The following CDH13 variants were observed in gnomAD, a reference collection of about 807,000 sequenced individuals.
The protein encoded by CDH13 is cadherin-13.
CDH13 carries 24 observed loss-of-function variants against 63.8 expected under a neutral mutation model. The observed-to-expected ratio is 0.38, with a 90% CI of 0.27 to 0.53. The LOEUF (loss-of-function observed/expected upper bound fraction) is 0.53, where lower values mean the gene tolerates loss of function less well. CDH13 is among the 20% of genes least tolerant of loss of function. The pLI, the probability that CDH13 is intolerant of heterozygous loss-of-function variation, is 0.85. For synonymous variants in CDH13, 503 were observed against 355.3 expected, an observed-to-expected ratio of 1.42 and a Z score of -4.67; for missense variants, 1,049 against 903.1, an observed-to-expected ratio of 1.16 and a Z score of -2.07.
chr16:83,014,870 ATATATATATGTTTGTG>A (rs1914602024), intron 2 of CDH13, among the ~76,000 whole-genome samples: 1 of 113,114 alleles, frequency 8.8e-6, no homozygotes, highest in Non-Finnish European at 1.8e-5. Context: ...ATATATATGT[ATATATATATGTTTGTG>A]TATATATATA....
chr16:83,325,672 C>T (rs749698698), intron 5 of CDH13, among the ~76,000 whole-genome samples: 1 of 152,162 alleles, frequency 6.6e-6, no homozygotes, highest in Non-Finnish European at 1.5e-5. Context: ...TATTTTGATA[C>T]TTGATACCTT....
chr16:83,196,140 C>T (rs1597497950), intron 4 of CDH13, among the ~76,000 whole-genome samples: 1 of 152,080 alleles, frequency 6.6e-6, no homozygotes. Context: ...CCTGTAGTGC[C>T]AGCTACTCGG....
At chr16:83,307,469 A>G (rs978319823) in intron 5 of CDH13, among the ~76,000 whole-genome samples, 3 of 152,284 alleles carry the variant, frequency 2.0e-5, no homozygotes, top group African/African-American at 4.8e-5. Context: ...ACTTGTCTGT[A>G]GTTGTGTGGG....
At chr16:82,879,889 A>T (rs1467090756) in intron 2 of CDH13, among the ~76,000 whole-genome samples, 10 of 143,766 alleles carry the variant, frequency 7.0e-5, no homozygotes, top group Admixed American at 1.4e-4. Flanking sequence ...TGTTATATTT[A>T]GCTATAGAAA....
intron 5 of CDH13, among the ~76,000 whole-genome samples, chr16:83,317,934 C>A (rs567991372): frequency 6.6e-6 from 1 of 152,254 alleles, no homozygotes; most frequent in South Asian, 2.1e-4. Flanking sequence ...GGGACTAGCA[C>A]CCAAGTTTTA....
Position 83,623,289 on chromosome 16 carries a change from A to G in CDH13, c.1101+20695A>G, listed in dbSNP as rs138852243. Among the ~76,000 whole-genome samples the G allele has an allele frequency of 4.2e-3, 646 of 152,206 alleles. 17 individuals are homozygous for G. Among genetic ancestry groups the G allele is most frequent in the Admixed American group, 0.031 (474 of 15,296 alleles). On this transcript the variant is annotated intron_variant, in intron 8 of 13. Coordinates refer to ENST00000567109, the MANE Select transcript of CDH13 (RefSeq NM_001257.5). ...CCATGCATTTCCCTCGAGTTCCCCC[A>G]AATCACTCCCCAGTCACGATTAACG...
intron 5 of CDH13, among the ~76,000 whole-genome samples, chr16:83,300,476 A>G (rs2151875160): frequency 1.3e-5 from 2 of 152,328 alleles, no homozygotes; most frequent in Middle Eastern, 3.4e-3. Context: ...TTAAAGACAA[A>G]TGAACTGAGA....
intron 6 of CDH13, among the ~76,000 whole-genome samples, chr16:83,456,220 C>T (rs75792327): frequency 0.059 from 9,001 of 152,266 alleles, 861 homozygotes; most frequent in African/African-American, 0.2. Context: ...GGAGATAGTG[C>T]CAGACAAAAA....
At chr16:83,743,870 G>A (rs1443487472) in intron 10 of CDH13, among the ~76,000 whole-genome samples, 3 of 146,810 alleles carry the variant, frequency 2.0e-5, no homozygotes, top group South Asian at 2.3e-4. Flanking sequence ...TCGGCCCTGG[G>A]GGTGCAGAGC....
chr16:83,763,387 G>C (rs1039583162), intron 11 of CDH13, among the ~76,000 whole-genome samples: 1 of 151,766 alleles, frequency 6.6e-6, no homozygotes, highest in Admixed American at 6.6e-5. Context: ...TTGAAATATT[G>C]TTCAAAATAT....
At chr16:82,781,629 C>T (rs989387840) in intron 1 of CDH13, among the ~76,000 whole-genome samples, 2 of 152,162 alleles carry the variant, frequency 1.3e-5, no homozygotes, top group East Asian at 3.9e-4. Context: ...CCCATCCATT[C>T]AGCTATTCAT....
At chr16:83,123,659 A>G (rs1236009574) in intron 3 of CDH13, among the ~76,000 whole-genome samples, 1 of 152,138 alleles carries the variant, frequency 6.6e-6, no homozygotes, top group African/African-American at 2.4e-5. Flanking sequence ...TAGTGCTATG[A>G]TAAACACACA....
rs114525130 is a variant in CDH13, at chr16:83,137,383, A to G, written c.483+11882A>G. On this transcript the variant is annotated intron_variant, in intron 4 of 13. Coordinates refer to ENST00000567109, the MANE Select transcript of CDH13 (RefSeq NM_001257.5). The stretch of plus-strand genomic sequence containing the variant: ...GGAAAATGAGGAAGGGAGTGATAAA[A>G]TTCTCTGTGAAGTGAGGAGAAATGA... Among the ~76,000 whole-genome samples the G allele has an allele frequency of 2.7e-3, 404 of 152,318 alleles. 2 individuals are homozygous for G. Among genetic ancestry groups the G allele is most frequent in the African/African-American group, 9.3e-3 (385 of 41,578 alleles).
At chr16:83,513,184 CT>C (rs1389429012) in intron 7 of CDH13, among the ~76,000 whole-genome samples, 2 of 152,048 alleles carry the variant, frequency 1.3e-5, no homozygotes, top group East Asian at 1.9e-4. Flanking sequence ...GTTGGATTTG[CT>C]TTTTTTCCAA....
At chr16:83,618,653 G>A (rs1403459145) in intron 8 of CDH13, among the ~76,000 whole-genome samples, 1 of 152,092 alleles carries the variant, frequency 6.6e-6, no homozygotes, top group African/African-American at 2.4e-5. Flanking sequence ...AGCCGAGACA[G>A]TTGGAGTTAA....
intron 1 of CDH13, among the ~76,000 whole-genome samples, chr16:82,791,232 G>A (rs1330748590): frequency 1.9e-5 from 1 of 52,082 alleles, no homozygotes; most frequent in African/African-American, 7.2e-5. Flanking sequence ...GCGAGACTCC[G>A]TCTCCAAAAA....
At position 83,521,056 on chromosome 16, in the gene CDH13, C is replaced by CTT. The variant is rs553705413; in HGVS notation, c.960+34405_960+34406dup. On this transcript the variant is annotated intron_variant, in intron 7 of 13. Transcript: ENST00000567109. Reference sequence around the variant, plus strand: ...TCTGTTCTAATATATACTTCATGTGCTTTTTAAAGCAACATGCTCTCTTTT... The same window carrying CTT: ...TCTGTTCTAATATATACTTCATGTGCTTTTTTTAAAGCAACATGCTCTCTTTT... Among the ~76,000 whole-genome samples, 185 of 152,204 alleles carry CTT rather than the reference C, an allele frequency of 1.2e-3. 9 individuals are homozygous for CTT. In the South Asian group the frequency reaches 0.038, roughly 31 times the overall value.
chr16:83,107,871 G>A (rs1346787653), intron 3 of CDH13, among the ~76,000 whole-genome samples: 1 of 151,810 alleles, frequency 6.6e-6, no homozygotes, highest in African/African-American at 2.4e-5. Flanking sequence ...CCAGGCTGGA[G>A]TGCATTGGTG....
intron 1 of CDH13, among the ~76,000 whole-genome samples, chr16:82,700,125 C>A (rs2030804940): frequency 6.6e-6 from 1 of 152,168 alleles, no homozygotes; most frequent in Non-Finnish European, 1.5e-5. Flanking sequence ...GCATCAAAGA[C>A]AAATATGGCT....
Sources: gnomAD v4.1 joint callset for allele counts (sites outside exome capture counted in the v4.1 genomes callset) on GRCh38, gnomAD v4.1.1 for gene constraint, MANE v1.5 for transcripts, NCBI Gene and HGNC (gene_info 2026-07-23, HGNC 2026-07-21) for gene names.